Variants in TUSC3 observed in about 807,000 individuals in gnomAD.
TUSC3 encodes the protein dolichyl-diphosphooligosaccharide--protein glycosyltransferase subunit TUSC3.
In TUSC3, 45 loss-of-function variants were observed where a neutral mutation model predicts 44.8. The observed-to-expected ratio is 1.00, with a 90% CI of 0.79 to 1.29. The LOEUF (loss-of-function observed/expected upper bound fraction) is 1.29. Ranked by LOEUF, TUSC3 falls within the 50% of genes most tolerant of loss-of-function variation. The pLI, the probability that TUSC3 is intolerant of heterozygous loss-of-function variation, is 0.00. For missense variants in TUSC3, 519 were observed against 437.9 expected (o/e 1.19, Z -1.65); for synonymous variants, 212 against 152.9 (o/e 1.39, Z -2.85).
chr8:15,522,659 C>G (rs1355205130), intron 2 of TUSC3, among the ~76,000 whole-genome samples: 2 of 151,894 alleles, frequency 1.3e-5, no homozygotes, highest in African/African-American at 2.4e-5. Flanking sequence ...GGGCTGTTTC[C>G]CTACTCCATC....
the TUSC3 span, chr8:15,806,139 G>T: frequency 6.6e-6 from 3 of 452,528 alleles, no homozygotes; most frequent in South Asian, 5.7e-5. Context: ...ATGGCTAGAT[G>T]AGCAGTTTTA....
chr8:15,567,284 G>GAAAAAA (rs1413818787), intron 1 of TUSC3, among the ~76,000 whole-genome samples: 1 of 152,124 alleles, frequency 6.6e-6, no homozygotes, highest in Admixed American at 6.5e-5. Context: ...TTAACAAAAA[G>GAAAAAA]TTCTTCCTAA....
At chr8:15,692,134 G>T (rs937448344) in intron 6 of TUSC3, among the ~76,000 whole-genome samples, 2 of 152,104 alleles carry the variant, frequency 1.3e-5, no homozygotes, top group African/African-American at 4.8e-5. Flanking sequence ...TTATTGATCT[G>T]TGTATGTTGA....
chr8:15,462,535 C>G (rs1273954809), intron 1 of TUSC3, among the ~76,000 whole-genome samples: 1 of 151,938 alleles, frequency 6.6e-6, no homozygotes. Context: ...TATCTCCCTA[C>G]GATATTAAAT....
chr8:15,489,805 G>C (rs144092479), intron 2 of TUSC3, among the ~76,000 whole-genome samples: 1 of 152,118 alleles, frequency 6.6e-6, no homozygotes, highest in South Asian at 2.1e-4. Context: ...TAGTTTTTCA[G>C]GTTTACTTTG....
chr8:15,744,916 C>CCAAA (rs1326013073), intron 8 of TUSC3, among the ~76,000 whole-genome samples: 5 of 151,800 alleles, frequency 3.3e-5, no homozygotes, highest in South Asian at 2.1e-4. Context: ...GAGCTTAGTA[C>CCAAA]CAAACAGGTG....
chr8:15,806,463 C>G, the TUSC3 span: 1 of 846,968 alleles, frequency 1.2e-6, no homozygotes, highest in Non-Finnish European at 2.1e-6. Context: ...TCTTGACTTC[C>G]CTTATGCAAA....
intron 1 of TUSC3, among the ~76,000 whole-genome samples, chr8:15,605,473 C>G (rs1307430968): frequency 3.3e-5 from 5 of 151,842 alleles, no homozygotes; most frequent in African/African-American, 9.7e-5. Flanking sequence ...ACAGTTGACC[C>G]TTGAACAACA....
chr8:15,687,464 A>AT (rs1456059629), intron 6 of TUSC3, among the ~76,000 whole-genome samples: 1 of 151,666 alleles, frequency 6.6e-6, no homozygotes, highest in Non-Finnish European at 1.5e-5. Context: ...ATTCCTTTTT[A>AT]TTTTTTCATA....
chr8:15,582,562 C>G (rs1004270867), intron 1 of TUSC3, among the ~76,000 whole-genome samples: 1 of 152,062 alleles, frequency 6.6e-6, no homozygotes, highest in Non-Finnish European at 1.5e-5. Flanking sequence ...CATTAAAGGT[C>G]CTATAAATAA....
At chr8:15,820,978 T>C in the TUSC3 span, among the ~76,000 whole-genome samples, 1 of 152,212 alleles carries the variant, frequency 6.6e-6, no homozygotes, top group African/African-American at 2.4e-5. Flanking sequence ...TTTGCCACTT[T>C]TGTTACTCTT....
chr8:15,480,666 C>A (rs1316546091), intron 1 of TUSC3, among the ~76,000 whole-genome samples: 1 of 152,168 alleles, frequency 6.6e-6, no homozygotes, highest in Non-Finnish European at 1.5e-5. Flanking sequence ...CTCTTGTTTC[C>A]TCTTCACAGT....
intron 2 of TUSC3, among the ~76,000 whole-genome samples, chr8:15,639,145 T>C (rs908061730): frequency 2.1e-5 from 3 of 146,216 alleles, no homozygotes; most frequent in East Asian, 4.3e-4. Context: ...GTTCAGGGCT[T>C]CAGTGATGAT....
intron 7 of TUSC3, among the ~76,000 whole-genome samples, chr8:15,741,750 T>G (rs1234081410): frequency 1.3e-5 from 2 of 152,184 alleles, no homozygotes; most frequent in African/African-American, 4.8e-5. Flanking sequence ...ATTTGAATTA[T>G]TAGTTTAAAT....
the TUSC3 span, chr8:15,806,441 A>G: frequency 6.3e-6 from 5 of 797,982 alleles, no homozygotes; most frequent in South Asian, 2.7e-5. Flanking sequence ...GAAAAAAATC[A>G]CACACATGTT....
chr8:15,849,399 T>TA, the TUSC3 span, among the ~76,000 whole-genome samples: 1 of 152,164 alleles, frequency 6.6e-6, no homozygotes. Flanking sequence ...CTGAAAGACA[T>TA]ATGCCTTTCT....
chr8:15,636,759 G>A (rs1457226472), intron 2 of TUSC3, among the ~76,000 whole-genome samples: 3 of 152,308 alleles, frequency 2.0e-5, no homozygotes, highest in Admixed American at 2.0e-4. Context: ...GAATGTTCCA[G>A]TGGGAGATTA....
intron 6 of TUSC3, among the ~76,000 whole-genome samples, chr8:15,714,947 G>A (rs563438175): frequency 6.6e-6 from 1 of 151,958 alleles, no homozygotes; most frequent in Non-Finnish European, 1.5e-5. Flanking sequence ...GGATTATTTT[G>A]GAATCTATGA....
At position 15,682,930 on chromosome 8, in the gene TUSC3, A is replaced by C. The variant is rs2129186353; in HGVS notation, c.798+9094A>C. Among the ~76,000 whole-genome samples the C allele has an allele frequency of 2.0e-5, 3 of 152,116 alleles. 1 individual carries two copies. In the Middle Eastern group the frequency reaches 0.01, roughly 517 times the overall value. On this transcript the variant is annotated intron_variant, in intron 6 of 10. Coordinates refer to ENST00000503731, the MANE Select transcript of TUSC3 (RefSeq NM_006765.4). ...ACCAGCTTAGTTTGGCATGAGATGC[A>C]ATTCTTGGTTGGAATTTTGTTTCTT...
Sources: gnomAD v4.1 joint callset for allele counts (sites outside exome capture counted in the v4.1 genomes callset) on GRCh38, gnomAD v4.1.1 for gene constraint, MANE v1.5 for transcripts, NCBI Gene and HGNC (gene_info 2026-07-23, HGNC 2026-07-21) for gene names.